TUBE1: variants seen among roughly 807,000 people sequenced by gnomAD.
The protein encoded by TUBE1 is tubulin epsilon chain.
In TUBE1, 34 loss-of-function variants were observed where a neutral mutation model predicts 53.5. The ratio of observed to expected loss-of-function variants is 0.64; its 90% CI spans 0.48 to 0.85. The LOEUF (loss-of-function observed/expected upper bound fraction) is 0.85, where lower values mean the gene tolerates loss of function less well. Ranked by LOEUF, TUBE1 falls within the 40% of genes least tolerant of loss-of-function variation. The pLI is 0.00. For synonymous variants in TUBE1, 177 were observed against 198.4 expected, an observed-to-expected ratio of 0.89 and a Z score of 0.91; for missense variants, 532 against 570.5, an observed-to-expected ratio of 0.93 and a Z score of 0.69.
At position 112,075,073 on chromosome 6, in the gene TUBE1, T is replaced by C. The variant is rs880000926; in HGVS notation, c.813-223A>G. ...TCTACATTTTTTTTTTCTTTCTTTT[T>C]TTTTTTTTTTTGAGACAGGGTCTCG... On this transcript the variant is annotated intron_variant, in intron 8 of 11. Transcript: ENST00000368662. The C allele has an allele frequency of 4.5e-3, 1,065 of 235,168 alleles. 12 individuals carry two copies. The highest frequency in any genetic ancestry group is 0.024 in the African/African-American group (990 of 41,226). 14.6% of individuals were successfully genotyped at this position (235,168 alleles called of 1,614,324 possible). A position where few individuals can be genotyped will look rare whatever the true frequency, so the allele number is the denominator to read the frequency against.
At chr6:112,080,666 TTA>T in intron 5 of TUBE1, among the ~76,000 whole-genome samples, 1 of 152,180 alleles carries the variant, frequency 6.6e-6, no homozygotes, top group East Asian at 1.9e-4. Flanking sequence ...GAAGAGACCA[TTA>T]TATACTCAAG....
At position 112,083,320 on chromosome 6, in the gene TUBE1, A is replaced by AT. The variant is rs587770144; in HGVS notation, c.210+868dup. On this transcript the variant is annotated intron_variant, in intron 4 of 11. Transcript: ENST00000368662. ...TTGGCATCTCAATTCCTTCCATAAC[A>AT]TTTTTTTTTTTTTTTTTTGAGACGG... Among the ~76,000 whole-genome samples, 1,198 of 131,466 alleles carry AT rather than the reference A, an allele frequency of 9.1e-3. 18 individuals are homozygous for AT. The highest frequency in any genetic ancestry group is 0.018 in the African/African-American group (647 of 35,090). The allele number at this position is 131,466 out of a possible 152,430, so 86.2% of individuals were successfully genotyped here. A position where few individuals can be genotyped will look rare whatever the true frequency, so the allele number is the denominator to read the frequency against.
chr6:112,076,800 T>G (rs1487988111), intron 6 of TUBE1: 1 of 198,888 alleles, frequency 5.0e-6, no homozygotes, highest in Admixed American at 6.0e-5. Flanking sequence ...AACTCCTAGG[T>G]TCAAGCAAGC....
At position 112,075,951 on chromosome 6, in the gene TUBE1, G is replaced by A. The variant is rs782713361; in HGVS notation, c.798C>T (p.Leu266=). Residue 266 remains leucine (L), a synonymous_variant, in exon 8 of 12, where the codon CTC becomes CTT. Transcript: ENST00000368662. ...GATAGAATTACCTCGTTAGGTTGAG[G>A]AGCAAATTTGCCACAATGTTATTCA... ...DAMNNIVANL[L]LNLTSSARFE... is the part of the protein sequence containing the mutation. 8 of 1,610,378 alleles carry A rather than the reference G, an allele frequency of 5.0e-6. No individual in the cohort carries two copies. Among genetic ancestry groups the A allele is most frequent in the South Asian group, 2.2e-5 (2 of 90,392 alleles).
chr6:112,083,432 C>A (rs1437628439), intron 4 of TUBE1, among the ~76,000 whole-genome samples: 1 of 151,616 alleles, frequency 6.6e-6, no homozygotes, highest in African/African-American at 2.4e-5. Context: ...CATTTTCCTG[C>A]CTCAGCCTCC....
At chr6:112,081,044 G>T in intron 5 of TUBE1, 48 bp downstream of exon 5, 1 of 1,170,174 alleles carries the variant, frequency 8.5e-7, no homozygotes, top group Non-Finnish European at 1.3e-6. Context: ...AAGAAAGATT[G>T]CTCATTTTTT....
At chr6:112,084,544 T>C (rs1021621614) in intron 3 of TUBE1, among the ~76,000 whole-genome samples, 3 of 152,228 alleles carry the variant, frequency 2.0e-5, no homozygotes, top group Non-Finnish European at 4.4e-5. Context: ...ATGCAGTTGG[T>C]GCCTATCTTC....
chr6:112,075,064 C>CTTTTTTTTTTTTTTTTT (rs781833721), intron 8 of TUBE1: 1 of 164,854 alleles, frequency 6.1e-6, no homozygotes, highest in Non-Finnish European at 1.1e-5. Flanking sequence ...TTTTTTTTTT[C>CTTTTTTTTTTTTTTTTT]TTTCTTTTTT....
At chr6:112,086,522 T>TA in intron 3 of TUBE1, 34 bp downstream of exon 3, 1 of 1,547,512 alleles carries the variant, frequency 6.5e-7, no homozygotes. Flanking sequence ...AAACTTAAAG[T>TA]ATCACACTGT....
intron 6 of TUBE1, 156 bp from the exon 7 acceptor site, chr6:112,076,665 G>T: frequency 1.9e-6 from 1 of 531,466 alleles, no homozygotes; most frequent in Non-Finnish European, 3.1e-6. Flanking sequence ...GACCTCCTAG[G>T]GTCAAATGAT....
intron 6 of TUBE1, 30 bp downstream of exon 6, chr6:112,079,603 T>C (rs782818885): frequency 1.9e-6 from 3 of 1,607,130 alleles, no homozygotes; most frequent in Non-Finnish European, 2.5e-6. Context: ...CCTTTAACAC[T>C]GTTACAGGCA....
intron 3 of TUBE1, 152 bp from the exon 4 acceptor site, chr6:112,084,398 C>T: frequency 1.5e-6 from 1 of 645,402 alleles, no homozygotes; most frequent in Admixed American, 2.9e-5. Flanking sequence ...TTCTTCCTTG[C>T]TTACCTCCCA....
chr6:112,074,181 C>T (rs879959664), intron 9 of TUBE1, among the ~76,000 whole-genome samples: 6 of 152,128 alleles, frequency 3.9e-5, no homozygotes, highest in African/African-American at 7.2e-5. Context: ...TTCAAAACTA[C>T]ATTTTTTGTT....
chr6:112,084,622 T>C (rs1554317116), intron 3 of TUBE1, among the ~76,000 whole-genome samples: 3 of 152,204 alleles, frequency 2.0e-5, no homozygotes, highest in African/African-American at 7.2e-5. Context: ...TTTATAGTCA[T>C]GAAGTAATAA....
In TUBE1 at chr6:112,079,872, A is replaced by C; in HGVS notation, c.327-118T>G. The C allele has an allele frequency of 3.2e-6, 3 of 946,946 alleles. No individual in the cohort carries two copies. In the South Asian group the frequency reaches 5.2e-5, roughly 16 times the overall value. 58.7% of individuals were successfully genotyped at this position (946,946 alleles called of 1,614,324 possible). ...GAAAAGTATTCTTATTGAGCTAAGT[A>C]AAGTCTATTCTTGTTTCATGTAAAT... On this transcript the variant is annotated intron_variant, in intron 5 of 11. Coordinates refer to ENST00000368662, the MANE Select transcript of TUBE1 (RefSeq NM_016262.5).
chr6:112,083,953 T>C, intron 4 of TUBE1: 1 of 474,354 alleles, frequency 2.1e-6, no homozygotes, highest in Non-Finnish European at 3.8e-6. Flanking sequence ...TTTGTTATCA[T>C]TTATCTAGAC....
chr6:112,083,357 C>T (rs1010599461), intron 4 of TUBE1, among the ~76,000 whole-genome samples: 9 of 147,666 alleles, frequency 6.1e-5, no homozygotes, highest in Admixed American at 2.7e-4. Context: ...GTCCCGCTGT[C>T]GCCCAGGTTG....
At position 112,079,639 on chromosome 6, in the gene TUBE1, C is replaced by T. The variant is rs782645815; in HGVS notation, c.442G>A (p.Gly148Arg). The T allele has an allele frequency of 6.2e-7, 1 of 1,611,154 alleles. No homozygotes were observed. Among genetic ancestry groups the T allele is most frequent in the African/African-American group, 1.3e-5 (1 of 74,696 alleles). The change falls in exon 6 of 12, where the codon GGA (glycine) becomes AGA (arginine). Residue 148 changes from glycine to arginine, a missense_variant. Physicochemically the swap from Gly to Arg is moderately radical, Grantham distance 125 (BLOSUM62 -2). Coordinates refer to ENST00000368662, the MANE Select transcript of TUBE1 (RefSeq NM_016262.5). Reference protein sequence around the residue: ...LQCFFIIHSMGGGTGSGLGTF... With the variant: ...LQCFFIIHSMRGGTGSGLGTF... ...AATGAGTGAAAAATTTTACCTCCTCCCATGGAATGTATTATAAAGAAACAC... is the reference window on the plus strand; with the variant it reads ...AATGAGTGAAAAATTTTACCTCCTCTCATGGAATGTATTATAAAGAAACAC...
At chr6:112,081,049 T>C in intron 5 of TUBE1, 43 bp downstream of exon 5, 1 of 1,247,774 alleles carries the variant, frequency 8.0e-7, no homozygotes, top group Non-Finnish European at 1.2e-6. Flanking sequence ...AGATTGCTCA[T>C]TTTTTTCAGA....
Sources: allele counts gnomAD v4.1 joint callset (sites outside exome capture counted in the v4.1 genomes callset), GRCh38; gene constraint gnomAD v4.1.1; transcripts MANE v1.5; gene names NCBI Gene and HGNC (gene_info 2026-07-23, HGNC 2026-07-21).